Variants in TEPSIN observed in about 807,000 individuals in gnomAD.
The protein encoded by TEPSIN is AP-4 complex accessory subunit tepsin.
Under a neutral mutation model 48.5 loss-of-function variants are expected in TEPSIN, and 50 were observed. The observed-to-expected ratio is 1.03, with a 90% CI of 0.82 to 1.31. The LOEUF (loss-of-function observed/expected upper bound fraction) is 1.31, where lower values mean the gene tolerates loss of function less well. TEPSIN is among the 50% of genes most tolerant of loss of function. The pLI, the probability that TEPSIN is intolerant of heterozygous loss-of-function variation, is 0.00. For missense variants in TEPSIN, 838 were observed against 815.9 expected, an observed-to-expected ratio of 1.03 and a Z score of -0.33; for synonymous variants, 392 against 358.8, an observed-to-expected ratio of 1.09 and a Z score of -1.05.
In TEPSIN at chr17:81,231,866, G is replaced by C. The variant is rs775282768; in HGVS notation, c.886C>G (p.Pro296Ala). Residue 296 changes from proline (P) to alanine (A), a missense_variant, in exon 9 of 13, where the codon CCG (proline) becomes GCG (alanine). Transcript: ENST00000637944. ...SDSHSGASRE[P>A]GDLAERVEVV... is the part of the protein sequence containing the mutation. ...GCTCACCTTTCTGCCAGGTCACCCG[G>C]CTCCCGGCTGGCCCCTGAATGGCTG... 3.1e-6 allele frequency: 5 copies of C among 1,613,464 alleles called. No individual in the cohort carries two copies. The highest frequency in any genetic ancestry group is 4.2e-6 in the Non-Finnish European group (5 of 1,179,990).
intron 2 of TEPSIN, 107 bp downstream of exon 2, chr17:81,237,280 A>C (rs964634843): frequency 3.7e-6 from 5 of 1,338,428 alleles, no homozygotes; most frequent in Non-Finnish European, 5.2e-6. Flanking sequence ...ATAATAAAGG[A>C]GCCGTGCATC....
chr17:81,232,569 C>T (rs1047869447), intron 7 of TEPSIN, 51 bp from the exon 8 acceptor site: 106 of 1,485,106 alleles, frequency 7.1e-5, no homozygotes, highest in Admixed American at 1.1e-4. Flanking sequence ...GGCCCCCACC[C>T]GCGTTCTCTG....
chr17:81,238,886 G>C, intron 1 of TEPSIN, 100 bp downstream of exon 1: 4 of 1,365,904 alleles, frequency 2.9e-6, no homozygotes, highest in Non-Finnish European at 3.8e-6. Flanking sequence ...ACCCGGCGCG[G>C]AGACGCAAGG....
At chr17:81,231,356 C>T in intron 11 of TEPSIN, 42 bp downstream of exon 11, 2 of 1,499,838 alleles carry the variant, frequency 1.3e-6, no homozygotes, top group Non-Finnish European at 1.8e-6. Flanking sequence ...CACACAGGCA[C>T]ATGCACACAG....
At chr17:81,238,890 C>G (rs2062774620) in intron 1 of TEPSIN, 96 bp downstream of exon 1, 5 of 1,368,448 alleles carry the variant, frequency 3.7e-6, no homozygotes, top group Non-Finnish European at 4.7e-6. Context: ...GGCGCGGAGA[C>G]GCAAGGTCAA....
Position 81,228,745 on chromosome 17 carries a change from G to A in TEPSIN, c.*183C>T. The A allele has an allele frequency of 1.4e-6, 1 of 726,322 alleles. No individual in the cohort carries two copies. The highest frequency in any genetic ancestry group is 1.7e-5 in the South Asian group (1 of 58,146). 45.0% of individuals were successfully genotyped at this position (726,322 alleles called of 1,614,324 possible). A position where few individuals can be genotyped will look rare whatever the true frequency, so the allele number is the denominator to read the frequency against. On this transcript the variant is annotated 3_prime_UTR_variant, in exon 13 of 13. Transcript: ENST00000637944. Reference sequence around the variant, plus strand: ...CCTGCCACCTGCCATCCCTCGTAGGGATTCAAGTCCAAATAGCCAGAGCCT... The same window carrying A: ...CCTGCCACCTGCCATCCCTCGTAGGAATTCAAGTCCAAATAGCCAGAGCCT...
chr17:81,231,508 C>T (rs771349498), intron 10 of TEPSIN, 32 bp from the exon 11 acceptor site: 5 of 1,565,028 alleles, frequency 3.2e-6, no homozygotes, highest in Middle Eastern at 1.7e-4. Context: ...GTGGCGGGTG[C>T]GGCCCGTTCC....
chr17:81,229,104 C>T lies in TEPSIN; in HGVS notation c.1606G>A (p.Asp536Asn), dbSNP rs773334050. The change falls in exon 13 of 13, where the codon GAC becomes AAC. Residue 536 changes from aspartate to asparagine, a missense_variant. Coordinates refer to ENST00000637944, the MANE Select transcript of TEPSIN (RefSeq NM_001363764.2). ...AGCTCCATGCCAGCAAACAAGGAGT[C>T]GCGGCTCCACGCACAGCTGCTGGGG... ...RGPSSCAWSR[D>N]SLFAGMELVA... The T allele has an allele frequency of 7.4e-6, 12 of 1,613,330 alleles. No individual in the cohort carries two copies. The highest frequency in any genetic ancestry group is 5.0e-5 in the Admixed American group (3 of 59,978).
intron 1 of TEPSIN, 52 bp downstream of exon 1, chr17:81,238,934 G>A: frequency 7.1e-7 from 1 of 1,405,264 alleles, no homozygotes; most frequent in Non-Finnish European, 9.2e-7. Context: ...GGGGAATGCG[G>A]CGCTCGAGAG....
chr17:81,237,657 C>A, intron 1 of TEPSIN, 198 bp from the exon 2 acceptor site: 2 of 630,114 alleles, frequency 3.2e-6, no homozygotes, highest in Non-Finnish European at 2.7e-6. Context: ...CAGGGATGAA[C>A]AGCCTCGGAG....
At position 81,229,054 on chromosome 17, in the gene TEPSIN, C is replaced by T; in HGVS notation, c.1656G>A (p.Gly552=). ...AGGACTCTCCCGCAGCAGCCCCAGC[C>T]CCCACCAGGCGGGGACAGGCCACCA... ...MELVACPRLV[G]AGAAAGESCP... is the part of the protein sequence containing the mutation. The change falls in exon 13 of 13, where the codon GGG becomes GGA. Residue 552 remains glycine, a synonymous_variant. Transcript: ENST00000637944. The T allele has an allele frequency of 6.2e-7, 1 of 1,613,486 alleles. No homozygotes were observed. The highest frequency in any genetic ancestry group is 8.5e-7 in the Non-Finnish European group (1 of 1,179,962).
At position 81,228,436 on chromosome 17, in the gene TEPSIN, C is replaced by CA; in HGVS notation, c.*491_*492insT. The CA allele has an allele frequency of 8.2e-5, 17 of 206,088 alleles. No individual in the cohort carries two copies. Among genetic ancestry groups the CA allele is most frequent in the South Asian group, 2.1e-4 (3 of 14,396 alleles). 12.8% of individuals were successfully genotyped at this position (206,088 alleles called of 1,614,324 possible). On this transcript the variant is annotated 3_prime_UTR_variant, in exon 13 of 13. Transcript: ENST00000637944. ...AGCCAGGGAAGGATCACGTAGGGAT[C>CA]TGAGACTTGAAATGGCCTCAGGCCA... is the stretch of plus-strand genomic sequence containing the variant.
Position 81,231,428 on chromosome 17 carries a change from G to A in TEPSIN, c.1068C>T (p.His356=), listed in dbSNP as rs1024076457. ...GCGTGCATTCACTGGTCCCACGCAG[G>A]TGGCAGGTCAGCAGCTGCAGCACGG... ...CEAVLQLLTC[H]LRGTSECTQL... Residue 356 remains histidine (H), a synonymous_variant, in exon 11 of 13, where the codon CAC becomes CAT. Coordinates refer to ENST00000637944, the MANE Select transcript of TEPSIN (RefSeq NM_001363764.2). The A allele has an allele frequency of 5.1e-6, 8 of 1,562,884 alleles. No homozygotes were observed. The highest frequency in any genetic ancestry group is 3.8e-5 in the Admixed American group (2 of 52,830).
rs531716547 is a variant in TEPSIN at position 81,229,430 on chromosome 17, C to A, written c.1280G>T (p.Arg427Leu). The change falls in exon 13 of 13, where the codon CGG becomes CTG. Residue 427 changes from arginine (R) to leucine (L), a missense_variant. Physicochemically the swap from Arg to Leu is moderately radical, Grantham distance 102 (BLOSUM62 -2). Coordinates refer to ENST00000637944, the MANE Select transcript of TEPSIN (RefSeq NM_001363764.2). ...GGGGCCAGGCTCAGCTGAGGTGCCC[C>A]GGGCAGGGGACAGCTGCCCACAGGA... ...EASCGQLSPARGTSAEPGPTA... is the reference protein window; with the variant it reads ...EASCGQLSPALGTSAEPGPTA... 5.2e-6 allele frequency: 8 copies of A among 1,549,798 alleles called. No individual in the cohort carries two copies. In the East Asian group the frequency reaches 2.0e-4, roughly 38 times the overall value.
At position 81,229,988 on chromosome 17, in the gene TEPSIN, T is replaced by C. The variant is rs79222437; in HGVS notation, c.1234-512A>G. On this transcript the variant is annotated intron_variant, in intron 12 of 12. Coordinates refer to ENST00000637944, the MANE Select transcript of TEPSIN (RefSeq NM_001363764.2). ...ACTTGGGGATGGGTGACTGAGGACC[T>C]GTGTTTCCAGCAGCCAGGGAGAAAA... 4.8e-3 allele frequency: 810 copies of C among 168,698 alleles called. 5 individuals are homozygous for C. The highest frequency in any genetic ancestry group is 0.017 in the African/African-American group (697 of 41,878). 10.5% of individuals were successfully genotyped at this position (168,698 alleles called of 1,614,324 possible). A position where few individuals can be genotyped will look rare whatever the true frequency, so the allele number is the denominator to read the frequency against.
At position 81,229,284 on chromosome 17, in the gene TEPSIN, A is replaced by G. The variant is rs1179223468; in HGVS notation, c.1426T>C (p.Ser476Pro). 4 of 1,576,336 alleles carry G rather than the reference A, an allele frequency of 2.5e-6. No individual in the cohort carries two copies. The highest frequency in any genetic ancestry group is 1.8e-5 in the Admixed American group (1 of 54,534). Reference sequence around the variant, plus strand: ...GGCACAGGGCTGGACGGCATCCCAGATGAGGGAGCAGGGCTCCGGGACGAG... The same window carrying G: ...GGCACAGGGCTGGACGGCATCCCAGGTGAGGGAGCAGGGCTCCGGGACGAG... ...PVSSRSPAPSSGMPSSPVPTP... is the reference protein window; with the variant it reads ...PVSSRSPAPSPGMPSSPVPTP... Residue 476 changes from serine (S) to proline (P), a missense_variant, in exon 13 of 13, where the codon TCT (serine) becomes CCT (proline). Ser to Pro is a moderately conservative substitution (Grantham distance 74, BLOSUM62 -1). Transcript: ENST00000637944.
At position 81,231,851 on chromosome 17, in the gene TEPSIN, C is replaced by T; in HGVS notation, c.901G>A (p.Glu301Lys). 6.2e-7 allele frequency: 1 copy of T among 1,613,252 alleles called. No individual in the cohort carries two copies. Among genetic ancestry groups the T allele is most frequent in the Middle Eastern group, 1.7e-4 (1 of 6,056 alleles). Residue 301 changes from glutamate (E) to lysine (K), a missense_variant, in exon 9 of 13, where the codon GAA (glutamate) becomes AAA (lysine). Physicochemically the swap from Glu to Lys is moderately conservative, Grantham distance 56. Coordinates refer to ENST00000637944, the MANE Select transcript of TEPSIN (RefSeq NM_001363764.2). ...GASREPGDLA[E>K]RVEVVALSDC... Reference sequence around the variant, plus strand: ...TATCTGGCAGCTCCCGCTCACCTTTCTGCCAGGTCACCCGGCTCCCGGCTG... The same window carrying T: ...TATCTGGCAGCTCCCGCTCACCTTTTTGCCAGGTCACCCGGCTCCCGGCTG...
intron 1 of TEPSIN, chr17:81,238,494 G>A (rs979604099): frequency 3.6e-6 from 2 of 562,930 alleles, no homozygotes; most frequent in African/African-American, 4.1e-5. Context: ...TTCTCAGAGG[G>A]TTTACTAAGA....
At chr17:81,235,458 T>C (rs1436843392) in intron 4 of TEPSIN, among the ~76,000 whole-genome samples, 1 of 152,160 alleles carries the variant, frequency 6.6e-6, no homozygotes, top group Non-Finnish European at 1.5e-5. Context: ...CCAGGGCCAG[T>C]GTCCAGGCAC....
Sources: allele counts gnomAD v4.1 joint callset (sites outside exome capture counted in the v4.1 genomes callset), GRCh38; gene constraint gnomAD v4.1.1; transcripts MANE v1.5; gene names NCBI Gene and HGNC (gene_info 2026-07-23, HGNC 2026-07-21).